Variants in CLGN observed in about 807,000 individuals in gnomAD.
CLGN encodes the protein calmegin.
Under a neutral mutation model 79.1 loss-of-function variants are expected in CLGN, and 62 were observed. The ratio of observed to expected loss-of-function variants is 0.78; its 90% CI spans 0.64 to 0.97. The LOEUF is 0.97. CLGN is among the 50% of genes least tolerant of loss of function. The probability of loss-of-function intolerance (pLI) is 0.00; values close to 1 mark genes in which losing one functional copy is unlikely to be tolerated. For missense variants in CLGN, 647 were observed against 715.5 expected (o/e 0.90, Z 1.09); for synonymous variants, 225 against 224.7 (o/e 1.00, Z -0.01).
At chr4:140,405,804 C>T in intron 5 of CLGN, 138 bp downstream of exon 5, 2 of 724,508 alleles carry the variant, frequency 2.8e-6, no homozygotes, top group Non-Finnish European at 4.4e-6. Context: ...TGTGTATATG[C>T]ACATTTGTGT....
At position 140,414,085 on chromosome 4, in the gene CLGN, G is replaced by A. The variant is rs1036164554; in HGVS notation, c.-9-998C>T. ...TAACTGGGAGGCACCCCCCAGCAGGGGCACACTGACACCTCACACGGCAGG... is the reference window on the plus strand; with the variant it reads ...TAACTGGGAGGCACCCCCCAGCAGGAGCACACTGACACCTCACACGGCAGG... On this transcript the variant is annotated intron_variant, in intron 1 of 14. Transcript: ENST00000325617. Among the ~76,000 whole-genome samples, 3 of 152,216 alleles carry A rather than the reference G, an allele frequency of 2.0e-5. No individual in the cohort carries two copies. In the South Asian group the frequency reaches 6.2e-4, roughly 31 times the overall value.
chr4:140,408,953 A>ATG (rs1428389321), intron 4 of CLGN, among the ~76,000 whole-genome samples: 1 of 151,128 alleles, frequency 6.6e-6, no homozygotes, highest in Admixed American at 6.6e-5. Flanking sequence ...ATATGTATAT[A>ATG]TGTGTATATA....
chr4:140,425,091 C>T (rs1475091869), intron 1 of CLGN, among the ~76,000 whole-genome samples: 1 of 152,150 alleles, frequency 6.6e-6, no homozygotes, highest in African/African-American at 2.4e-5. Flanking sequence ...AAGACAATCA[C>T]AGGATATGCA....
intron 1 of CLGN, among the ~76,000 whole-genome samples, chr4:140,414,994 C>A (rs1177782262): frequency 6.6e-6 from 1 of 151,302 alleles, no homozygotes; most frequent in African/African-American, 2.4e-5. Flanking sequence ...AGACTAACAG[C>A]GGATCTCTCA....
chr4:140,427,518 C>T lies in CLGN; in HGVS notation c.-10+19G>A, dbSNP rs1042179160. On this transcript the variant is annotated intron_variant, in intron 1 of 14. Transcript: ENST00000325617. ...AAAGGGCAGCGGGACAGCGGGAACG[C>T]GGCCTGCTGCTCACGCACCTCTCTT... 2 of 152,318 alleles carry T rather than the reference C, an allele frequency of 1.3e-5. No homozygotes were observed. Among genetic ancestry groups the T allele is most frequent in the Non-Finnish European group, 2.9e-5 (2 of 68,126 alleles). 9.4% of individuals were successfully genotyped at this position (152,318 alleles called of 1,614,324 possible). A position where few individuals can be genotyped will look rare whatever the true frequency, so the allele number is the denominator to read the frequency against.
chr4:140,419,216 C>T (rs1353733360), intron 1 of CLGN, among the ~76,000 whole-genome samples: 5 of 150,974 alleles, frequency 3.3e-5, no homozygotes, highest in South Asian at 2.1e-4. Flanking sequence ...GGTGGGGGAA[C>T]GGGGGAGGGA....
chr4:140,426,486 A>T (rs1729570027), intron 1 of CLGN, among the ~76,000 whole-genome samples: 1 of 152,260 alleles, frequency 6.6e-6, no homozygotes, highest in Non-Finnish European at 1.5e-5. Flanking sequence ...TTACTGGAAG[A>T]TCAAACCAAT....
intron 1 of CLGN, among the ~76,000 whole-genome samples, chr4:140,424,542 T>C (rs1333042461): frequency 6.6e-6 from 1 of 152,226 alleles, no homozygotes; most frequent in African/African-American, 2.4e-5. Flanking sequence ...TGGTGTTATC[T>C]ATTTCTTTAT....
intron 1 of CLGN, among the ~76,000 whole-genome samples, chr4:140,425,427 A>AGG (rs1553946826): frequency 1.6e-4 from 13 of 79,358 alleles, no homozygotes; most frequent in Middle Eastern, 5.4e-3. Context: ...CAGAATCAAT[A>AGG]GGGTGTGTGT....
At chr4:140,419,828 T>C (rs561646503) in intron 1 of CLGN, among the ~76,000 whole-genome samples, 1 of 152,242 alleles carries the variant, frequency 6.6e-6, no homozygotes, top group South Asian at 2.1e-4. Flanking sequence ...TGTAAAGGGA[T>C]CAATTTGACA....
chr4:140,409,731 C>G, intron 4 of CLGN, 106 bp downstream of exon 4: 1 of 568,548 alleles, frequency 1.8e-6, no homozygotes, highest in Non-Finnish European at 3.1e-6. Flanking sequence ...TATTGTGAGG[C>G]AGGGTGGGGG....
intron 1 of CLGN, among the ~76,000 whole-genome samples, chr4:140,414,518 G>A (rs1424960023): frequency 6.6e-6 from 1 of 151,086 alleles, no homozygotes; most frequent in African/African-American, 2.4e-5. Flanking sequence ...AGCTGATGGA[G>A]CTGAAAACCA....
rs552116452 is a variant in CLGN at position 140,392,427 on chromosome 4, T to G, written c.1492-49A>C. 3,819 of 1,542,936 alleles carry G rather than the reference T, an allele frequency of 2.5e-3. 121 individuals are homozygous for G. In the South Asian group the frequency reaches 0.043, roughly 18 times the overall value. ...TTTTACTAAAGGCAGAGTGCTATTT[T>G]GAAAGTTTTTTTGCAATAATTGATA... On this transcript the variant is annotated intron_variant, in intron 12 of 14. Transcript: ENST00000325617.
intron 1 of CLGN, among the ~76,000 whole-genome samples, chr4:140,426,965 C>T (rs757648242): frequency 3.9e-5 from 6 of 152,210 alleles, no homozygotes; most frequent in South Asian, 2.1e-4. Context: ...GCCCCACCGC[C>T]GTGAAGTGGG....
intron 1 of CLGN, among the ~76,000 whole-genome samples, chr4:140,420,553 T>TA (rs143888432): frequency 0.58 from 87,289 of 150,096 alleles, 26,151 homozygotes; most frequent in Non-Finnish European, 0.69. Context: ...GTTCTTTTTT[T>TA]TAAAAAAAAA....
chr4:140,392,016 C>T (rs939716612), intron 13 of CLGN, among the ~76,000 whole-genome samples: 6 of 151,932 alleles, frequency 3.9e-5, no homozygotes, highest in African/African-American at 1.2e-4. Flanking sequence ...TTTAAATCTC[C>T]TTCTTCCTAG....
intron 5 of CLGN, among the ~76,000 whole-genome samples, chr4:140,405,435 C>T (rs1409679020): frequency 2.6e-5 from 4 of 151,304 alleles, no homozygotes; most frequent in Admixed American, 6.6e-5. Flanking sequence ...CTGCCCGCCT[C>T]GGCCTCCCAA....
intron 11 of CLGN, among the ~76,000 whole-genome samples, chr4:140,393,383 A>G (rs1158103526): frequency 6.6e-6 from 1 of 152,078 alleles, no homozygotes; most frequent in Admixed American, 6.5e-5. Context: ...CCTTTTCTAA[A>G]CAGTGTTAAG....
rs79569093 is a variant in CLGN at position 140,393,447 on chromosome 4, G to T, written c.1365+379C>A. Among the ~76,000 whole-genome samples, 31 of 152,178 alleles carry T rather than the reference G, an allele frequency of 2.0e-4. No homozygotes were observed. In the East Asian group the frequency reaches 4.2e-3, roughly 21 times the overall value. On this transcript the variant is annotated intron_variant, in intron 11 of 14. Transcript: ENST00000325617. ...AATAATGTTAAACTATAAATTCTTT[G>T]TACATTCCTCTAAGTAAAAAATAGT...
Sources: allele counts gnomAD v4.1 joint callset (sites outside exome capture counted in the v4.1 genomes callset), GRCh38; gene constraint gnomAD v4.1.1; transcripts MANE v1.5; gene names NCBI Gene and HGNC (gene_info 2026-07-23, HGNC 2026-07-21).